The following PTPRT variants were observed in gnomAD, a reference collection of about 807,000 sequenced individuals.
PTPRT encodes receptor-type tyrosine-protein phosphatase T.
A neutral mutation model predicts 176.8 loss-of-function variants in PTPRT; 56 were observed. The observed-to-expected ratio is 0.32, with a 90% CI of 0.26 to 0.40. The LOEUF is 0.40. Among genes scored for constraint, PTPRT ranks in the 10% least tolerant of loss-of-function variants. PTPRT has a pLI of 1.00. For synonymous variants in PTPRT, 783 were observed against 739.0 expected, an observed-to-expected ratio of 1.06 and a Z score of -0.96; for missense variants, 1,540 against 1,908.2, an observed-to-expected ratio of 0.81 and a Z score of 3.60.
chr20:42,817,889 G>A (rs973080879), intron 2 of PTPRT, among the ~76,000 whole-genome samples: 10 of 152,156 alleles, frequency 6.6e-5, no homozygotes, highest in African/African-American at 1.9e-4. Flanking sequence ...CCTGAGCCCC[G>A]GCGGGAGGGG....
At chr20:42,273,353 T>C (rs1458497990) in intron 13 of PTPRT, among the ~76,000 whole-genome samples, 1 of 152,138 alleles carries the variant, frequency 6.6e-6, no homozygotes, top group African/African-American at 2.4e-5. Context: ...GTAACTGGGA[T>C]TACAGGCATG....
chr20:43,111,170 T>C (rs1021532888), intron 1 of PTPRT, among the ~76,000 whole-genome samples: 3 of 152,078 alleles, frequency 2.0e-5, no homozygotes, highest in Non-Finnish European at 4.4e-5. Context: ...CCGTGTAGTC[T>C]GGGTACAAGG....
chr20:42,525,753 G>T (rs2072256751), intron 7 of PTPRT, among the ~76,000 whole-genome samples: 1 of 152,170 alleles, frequency 6.6e-6, no homozygotes, highest in South Asian at 2.1e-4. Flanking sequence ...TTTTATGAAT[G>T]TAGAAGCTAC....
At chr20:42,456,074 C>A (rs550747364) in intron 8 of PTPRT, among the ~76,000 whole-genome samples, 26 of 152,070 alleles carry the variant, frequency 1.7e-4, no homozygotes, top group Non-Finnish European at 2.1e-4. Flanking sequence ...TTTAGGCCTT[C>A]CTTAACGTCT....
At chr20:42,292,592 A>G (rs1187174978) in intron 12 of PTPRT, among the ~76,000 whole-genome samples, 1 of 152,216 alleles carries the variant, frequency 6.6e-6, no homozygotes, top group Non-Finnish European at 1.5e-5. Flanking sequence ...AATACAAAGT[A>G]AACTTCAAGC....
intron 18 of PTPRT, among the ~76,000 whole-genome samples, chr20:42,138,998 T>C (rs535985597): frequency 3.3e-5 from 5 of 152,188 alleles, no homozygotes; most frequent in Non-Finnish European, 7.3e-5. Context: ...CAAGAATATT[T>C]CTATTTATCA....
At chr20:42,749,149 T>C (rs2076733368) in intron 6 of PTPRT, among the ~76,000 whole-genome samples, 1 of 152,140 alleles carries the variant, frequency 6.6e-6, no homozygotes, top group African/African-American at 2.4e-5. Context: ...TCCCACCTTA[T>C]GAGTGTGCAC....
At chr20:42,737,365 T>G (rs2076555565) in intron 6 of PTPRT, among the ~76,000 whole-genome samples, 1 of 152,136 alleles carries the variant, frequency 6.6e-6, no homozygotes, top group Non-Finnish European at 1.5e-5. Context: ...GCATGGTGGC[T>G]CACGCCTGTA....
At chr20:42,270,780 G>A (rs931835716) in intron 13 of PTPRT, among the ~76,000 whole-genome samples, 4 of 151,970 alleles carry the variant, frequency 2.6e-5, no homozygotes, top group Admixed American at 2.6e-4. Context: ...TTTTTCCACC[G>A]AAACTACTTC....
the PTPRT span, chr20:42,063,478 T>G: frequency 6.6e-6 from 1 of 152,036 alleles, no homozygotes; most frequent in Non-Finnish European, 1.5e-5. Flanking sequence ...CCGAGGAAAA[T>G]TTCTCACCCA....
chr20:42,753,921 T>C (rs1331613023), intron 6 of PTPRT, among the ~76,000 whole-genome samples: 2 of 152,156 alleles, frequency 1.3e-5, no homozygotes, highest in Non-Finnish European at 2.9e-5. Flanking sequence ...TTCAGAGTGC[T>C]AAACTAACTC....
At chr20:42,172,361 A>G (rs1990114320) in intron 16 of PTPRT, among the ~76,000 whole-genome samples, 1 of 152,296 alleles carries the variant, frequency 6.6e-6, no homozygotes, top group Non-Finnish European at 1.5e-5. Flanking sequence ...AAAAAGACAC[A>G]AATAAGCCAC....
chr20:42,877,722 C>T (rs186159223), intron 2 of PTPRT, among the ~76,000 whole-genome samples: 19 of 152,310 alleles, frequency 1.2e-4, no homozygotes, highest in Admixed American at 3.3e-4. Context: ...CTGTTTATGG[C>T]CCGTGAACAA....
intron 11 of PTPRT, among the ~76,000 whole-genome samples, chr20:42,324,459 T>A (rs186906535): frequency 5.1e-4 from 77 of 152,298 alleles, no homozygotes; most frequent in Admixed American, 1.6e-3. Flanking sequence ...AGTTGCACGA[T>A]CCTATACATT....
intron 6 of PTPRT, among the ~76,000 whole-genome samples, chr20:42,729,775 T>C (rs1245458056): frequency 1.3e-5 from 2 of 152,104 alleles, no homozygotes; most frequent in African/African-American, 4.8e-5. Flanking sequence ...GACTGGAGGC[T>C]CTCCCATGAA....
Position 42,636,737 on chromosome 20 carries a change from A to G in PTPRT, c.1153+41129T>C, listed in dbSNP as rs181807190. 6.6e-5 allele frequency among the ~76,000 whole-genome samples: 10 copies of G among 151,852 alleles called. No homozygotes were observed. The East Asian group carries it at 1.2e-3, about 18-fold the overall frequency. On this transcript the variant is annotated intron_variant, in intron 7 of 30. Transcript: ENST00000373187. ...GAGGTGGAGGTTGCAGTGAGCCGAG[A>G]TCACACCACTGCACTCCAGCCTGGG...
chr20:42,523,164 C>G (rs1340657773), intron 7 of PTPRT, among the ~76,000 whole-genome samples: 1 of 152,144 alleles, frequency 6.6e-6, no homozygotes, highest in Non-Finnish European at 1.5e-5. Flanking sequence ...CTACAATTCT[C>G]AAATTTGATG....
chr20:42,877,741 T>C (rs562386088), intron 2 of PTPRT, among the ~76,000 whole-genome samples: 7 of 152,314 alleles, frequency 4.6e-5, no homozygotes, highest in African/African-American at 1.7e-4. Flanking sequence ...AAGCTTGCAG[T>C]TCATCCAATA....
At chr20:42,936,559 TAACA>T in intron 1 of PTPRT, among the ~76,000 whole-genome samples, 1 of 152,124 alleles carries the variant, frequency 6.6e-6, no homozygotes, top group Admixed American at 6.5e-5. Flanking sequence ...TCTTATAGCT[TAACA>T]AGTCTCCTCT....
Sources: allele counts gnomAD v4.1 joint callset (sites outside exome capture counted in the v4.1 genomes callset), GRCh38; gene constraint gnomAD v4.1.1; transcripts MANE v1.5; gene names NCBI Gene and HGNC (gene_info 2026-07-23, HGNC 2026-07-21).